PHYHIPL: variants seen among roughly 807,000 people sequenced by gnomAD.
The protein encoded by PHYHIPL is phytanoyl-CoA 2-hydroxylase interacting protein like.
Under a neutral mutation model 33.4 loss-of-function variants are expected in PHYHIPL, and 9 were observed. The observed-to-expected ratio is 0.27, with a 90% CI of 0.16 to 0.47. The LOEUF (loss-of-function observed/expected upper bound fraction) is 0.47, where lower values mean the gene tolerates loss of function less well. PHYHIPL is among the 20% of genes least tolerant of loss of function. PHYHIPL has a pLI of 0.99. For missense variants in PHYHIPL, 365 were observed against 460.7 expected (o/e 0.79, Z 1.90); for synonymous variants, 153 against 154.1 (o/e 0.99, Z 0.05).
At chr10:59,177,659 T>C (rs1589252756) in intron 1 of PHYHIPL, 1 of 1,549,232 alleles carries the variant, frequency 6.5e-7, no homozygotes, top group South Asian at 1.2e-5. Context: ...GTTTATTCTG[T>C]TGTTGAAGTT....
chr10:59,181,521 T>C, intron 1 of PHYHIPL, among the ~76,000 whole-genome samples: 1 of 152,204 alleles, frequency 6.6e-6, no homozygotes, highest in Middle Eastern at 3.2e-3. Context: ...CTATTTTTCA[T>C]GTGGCTTGTA....
At chr10:59,197,694 C>T (rs1250474812) in intron 1 of PHYHIPL, among the ~76,000 whole-genome samples, 1 of 152,162 alleles carries the variant, frequency 6.6e-6, no homozygotes, top group Non-Finnish European at 1.5e-5. Flanking sequence ...TTTGAGTCAA[C>T]ACTTTACTTT....
chr10:59,185,735 A>G (rs1838576353), intron 1 of PHYHIPL, among the ~76,000 whole-genome samples: 1 of 152,070 alleles, frequency 6.6e-6, no homozygotes, highest in Non-Finnish European at 1.5e-5. Context: ...GCATTTTTTC[A>G]TGTGTCTGTT....
chr10:59,177,364 C>G (rs187219120), intron 1 of PHYHIPL: 16 of 1,079,120 alleles, frequency 1.5e-5, no homozygotes, highest in East Asian at 7.9e-5. Flanking sequence ...CCCCAACACA[C>G]ACACACTAGT....
In PHYHIPL at chr10:59,228,795, C is replaced by T. The variant is rs557404925; in HGVS notation, c.107-5509C>T. 4.7e-3 allele frequency among the ~76,000 whole-genome samples: 722 copies of T among 152,214 alleles called. 4 individuals are homozygous for T. The highest frequency in any genetic ancestry group is 0.017 in the African/African-American group (697 of 41,558). On this transcript the variant is annotated intron_variant, in intron 1 of 4. Coordinates refer to ENST00000373880, the MANE Select transcript of PHYHIPL (RefSeq NM_032439.4). ...AATGGCTTAAGGCTTATTATTTAAA[C>T]TAACTACCATCATTACCTTTGCAAA... is the stretch of plus-strand genomic sequence containing the variant.
chr10:59,191,346 T>C (rs996840190), intron 1 of PHYHIPL, among the ~76,000 whole-genome samples: 1 of 151,952 alleles, frequency 6.6e-6, no homozygotes, highest in African/African-American at 2.4e-5. Context: ...TGACAGCAGC[T>C]CACTCATTTA....
chr10:59,243,740 T>G (rs1465464769), intron 4 of PHYHIPL, among the ~76,000 whole-genome samples: 1 of 151,748 alleles, frequency 6.6e-6, no homozygotes, highest in Non-Finnish European at 1.5e-5. Context: ...GTCATGCTGG[T>G]CAGGGACCCA....
intron 1 of PHYHIPL, among the ~76,000 whole-genome samples, chr10:59,178,475 C>A (rs1838316860): frequency 6.6e-6 from 1 of 151,984 alleles, no homozygotes; most frequent in Non-Finnish European, 1.5e-5. Context: ...TTAGTTTAGA[C>A]TTTTATGAAA....
At chr10:59,181,428 C>G (rs1417006687) in intron 1 of PHYHIPL, among the ~76,000 whole-genome samples, 2 of 152,046 alleles carry the variant, frequency 1.3e-5, no homozygotes, top group Non-Finnish European at 2.9e-5. Flanking sequence ...TCTTTTACTT[C>G]TCTTTTACCA....
chr10:59,191,635 G>C (rs1305680626), intron 1 of PHYHIPL, among the ~76,000 whole-genome samples: 2 of 151,868 alleles, frequency 1.3e-5, no homozygotes, highest in Non-Finnish European at 2.9e-5. Context: ...TTTTAGCCTT[G>C]AGTGACTATT....
At chr10:59,199,190 G>A (rs1351172697) in intron 1 of PHYHIPL, among the ~76,000 whole-genome samples, 1 of 152,116 alleles carries the variant, frequency 6.6e-6, no homozygotes, top group Non-Finnish European at 1.5e-5. Flanking sequence ...ATGGTTTTAG[G>A]TCTAACATTT....
intron 1 of PHYHIPL, among the ~76,000 whole-genome samples, chr10:59,200,667 G>A (rs1839074558): frequency 6.6e-6 from 1 of 152,124 alleles, no homozygotes; most frequent in South Asian, 2.1e-4. Context: ...GTAGAATTCG[G>A]CTGTGAATCC....
intron 1 of PHYHIPL, among the ~76,000 whole-genome samples, chr10:59,217,823 C>T (rs1839659476): frequency 6.6e-6 from 1 of 151,966 alleles, no homozygotes; most frequent in Admixed American, 6.6e-5. Context: ...CTCAATCTTA[C>T]CTTCTTTTTT....
intron 1 of PHYHIPL, among the ~76,000 whole-genome samples, chr10:59,224,440 G>A (rs1839861664): frequency 6.9e-6 from 1 of 143,886 alleles, no homozygotes; most frequent in Admixed American, 7.1e-5. Context: ...GGGCAAGAGT[G>A]AGACCCTGTC....
At chr10:59,242,596 T>C (rs1457483600) in intron 4 of PHYHIPL, among the ~76,000 whole-genome samples, 2 of 151,892 alleles carry the variant, frequency 1.3e-5, no homozygotes, top group South Asian at 2.1e-4. Context: ...ATAATGCAGA[T>C]CTTGGAATTA....
chr10:59,223,975 A>G (rs904143192), intron 1 of PHYHIPL, among the ~76,000 whole-genome samples: 1 of 152,090 alleles, frequency 6.6e-6, no homozygotes, highest in African/African-American at 2.4e-5. Context: ...GCCCTTTTTT[A>G]TAGATAAATA....
chr10:59,239,072 G>A (rs1840313940), intron 4 of PHYHIPL, among the ~76,000 whole-genome samples: 1 of 151,820 alleles, frequency 6.6e-6, no homozygotes, highest in South Asian at 2.1e-4. Context: ...GAAAATGAGA[G>A]TATAAAAGAG....
At chr10:59,202,515 G>T (rs962552507) in intron 1 of PHYHIPL, among the ~76,000 whole-genome samples, 29 of 152,124 alleles carry the variant, frequency 1.9e-4, no homozygotes, top group African/African-American at 6.3e-4. Flanking sequence ...TTTGCTGAAT[G>T]ACTTGGGTAA....
intron 4 of PHYHIPL, 116 bp from the exon 5 acceptor site, chr10:59,244,937 TAGTA>T (rs550314978): frequency 9.6e-5 from 95 of 987,330 alleles, no homozygotes; most frequent in Admixed American, 3.1e-4. Flanking sequence ...CTTATTCTGA[TAGTA>T]AGAGAGGTAT....
Sources: gnomAD v4.1 joint callset for allele counts (sites outside exome capture counted in the v4.1 genomes callset) on GRCh38, gnomAD v4.1.1 for gene constraint, MANE v1.5 for transcripts, NCBI Gene and HGNC (gene_info 2026-07-23, HGNC 2026-07-21) for gene names.